The following TNFRSF11A variants were observed in gnomAD, a reference collection of about 807,000 sequenced individuals.
The protein encoded by TNFRSF11A is TNF receptor superfamily member 11a.
Under a neutral mutation model 55.7 loss-of-function variants are expected in TNFRSF11A, and 32 were observed. That is an observed-to-expected ratio of 0.57 (90% CI 0.43 to 0.77). The LOEUF (loss-of-function observed/expected upper bound fraction) is 0.77. Ranked by LOEUF, TNFRSF11A falls within the 30% of genes least tolerant of loss-of-function variation. The pLI is 0.00. For synonymous variants in TNFRSF11A, 311 were observed against 331.0 expected (o/e 0.94, Z 0.65); for missense variants, 753 against 809.8 (o/e 0.93, Z 0.85).
chr18:62,379,460 G>GA (rs1462715646), intron 9 of TNFRSF11A, among the ~76,000 whole-genome samples: 7 of 152,104 alleles, frequency 4.6e-5, no homozygotes, highest in Admixed American at 2.0e-4. Context: ...TAACTGGCAA[G>GA]AAAAAATGAG....
chr18:62,330,467 G>C (rs1325907422), intron 1 of TNFRSF11A, among the ~76,000 whole-genome samples: 1 of 152,186 alleles, frequency 6.6e-6, no homozygotes, highest in Non-Finnish European at 1.5e-5. Context: ...AGGAAGGACA[G>C]GATTCCTGGA....
At chr18:62,376,306 A>C (rs958737588) in intron 9 of TNFRSF11A, among the ~76,000 whole-genome samples, 1 of 147,564 alleles carries the variant, frequency 6.8e-6, no homozygotes, top group African/African-American at 2.5e-5. Context: ...TGGCAAGCAA[A>C]ATAAATGTCA....
chr18:62,384,617 A>G lies in TNFRSF11A; in HGVS notation c.1568-134A>G, dbSNP rs1911550889. 4 of 988,672 alleles carry G rather than the reference A, an allele frequency of 4.0e-6. No individual in the cohort carries two copies. In the African/African-American group the frequency reaches 4.9e-5, roughly 12 times the overall value. 61.2% of individuals were successfully genotyped at this position (988,672 alleles called of 1,614,324 possible). A position where few individuals can be genotyped will look rare whatever the true frequency, so the allele number is the denominator to read the frequency against. On this transcript the variant is annotated intron_variant, in intron 9 of 9. Transcript: ENST00000586569. ...CGCCTCAGTGGGCCTGGAGGGTTACAGTGTGGTTCCCTGTGGCCCCGGGCT... is the reference window on the plus strand; with the variant it reads ...CGCCTCAGTGGGCCTGGAGGGTTACGGTGTGGTTCCCTGTGGCCCCGGGCT...
chr18:62,365,789 CTTTATTT>C (rs898764282), intron 7 of TNFRSF11A, among the ~76,000 whole-genome samples: 1 of 151,908 alleles, frequency 6.6e-6, no homozygotes, highest in Non-Finnish European at 1.5e-5. Context: ...GCTTCATAGC[CTTTATTT>C]TTTATTTTTT....
intron 6 of TNFRSF11A, 125 bp from the exon 7 acceptor site, chr18:62,361,554 AC>A: frequency 1.1e-6 from 1 of 889,824 alleles, no homozygotes. Context: ...AAGGGTGGGG[AC>A]TGTCACTTCT....
At chr18:62,346,841 C>G (rs1472194445) in intron 1 of TNFRSF11A, among the ~76,000 whole-genome samples, 1 of 152,216 alleles carries the variant, frequency 6.6e-6, no homozygotes, top group Non-Finnish European at 1.5e-5. Flanking sequence ...CGAGCACTTT[C>G]ATATGCAGAT....
intron 1 of TNFRSF11A, among the ~76,000 whole-genome samples, chr18:62,339,667 C>G (rs1476863527): frequency 6.6e-6 from 1 of 152,146 alleles, no homozygotes; most frequent in Non-Finnish European, 1.5e-5. Flanking sequence ...AGTGAAGATG[C>G]CTTTGACAGT....
intron 1 of TNFRSF11A, among the ~76,000 whole-genome samples, chr18:62,330,366 T>C (rs754021789): frequency 3.3e-5 from 5 of 152,164 alleles, no homozygotes; most frequent in Non-Finnish European, 7.4e-5. Flanking sequence ...AGAACAGCTC[T>C]TAGGCTGGGG....
At chr18:62,331,364 T>G (rs1251720788) in intron 1 of TNFRSF11A, among the ~76,000 whole-genome samples, 1 of 152,158 alleles carries the variant, frequency 6.6e-6, no homozygotes, top group Non-Finnish European at 1.5e-5. Context: ...AGTGAAGAAG[T>G]GTTGTTGTTT....
chr18:62,351,067 A>G (rs890885568), intron 3 of TNFRSF11A, among the ~76,000 whole-genome samples: 1 of 148,036 alleles, frequency 6.8e-6, no homozygotes, highest in Non-Finnish European at 1.5e-5. Context: ...CAGTGGCACA[A>G]TCTCAGCTCA....
chr18:62,371,956 A>AT, intron 9 of TNFRSF11A, among the ~76,000 whole-genome samples: 1 of 151,190 alleles, frequency 6.6e-6, no homozygotes, highest in Non-Finnish European at 1.5e-5. Flanking sequence ...ATATGAGAGG[A>AT]TTTTTTGTTT....
chr18:62,367,230 A>C (rs1910158086), intron 8 of TNFRSF11A, among the ~76,000 whole-genome samples: 1 of 152,194 alleles, frequency 6.6e-6, no homozygotes, highest in Non-Finnish European at 1.5e-5. Context: ...AGAGCAGCTC[A>C]AAGCCCAAGT....
chr18:62,376,548 C>A (rs1489356903), intron 9 of TNFRSF11A, among the ~76,000 whole-genome samples: 1 of 152,184 alleles, frequency 6.6e-6, no homozygotes, highest in African/African-American at 2.4e-5. Context: ...GCCCCCCACA[C>A]ATGCACAGCC....
chr18:62,369,943 A>G (rs1186875884), intron 9 of TNFRSF11A, among the ~76,000 whole-genome samples: 1 of 152,198 alleles, frequency 6.6e-6, no homozygotes, highest in Non-Finnish European at 1.5e-5. Flanking sequence ...GACACACAAA[A>G]TTGTTTAGTT....
chr18:62,372,014 C>G (rs1388497075), intron 9 of TNFRSF11A, among the ~76,000 whole-genome samples: 4 of 152,078 alleles, frequency 2.6e-5, no homozygotes, highest in Non-Finnish European at 5.9e-5. Flanking sequence ...ATGACAGTGA[C>G]TGGGGACTTT....
At position 62,387,884 on chromosome 18, in the gene TNFRSF11A, G is replaced by C. The variant is rs1466586248; in HGVS notation, c.*2850G>C. On this transcript the variant is annotated 3_prime_UTR_variant, in exon 10 of 10. Transcript: ENST00000586569. ...GCCTCCCAGTGCTTTGGGAGGCCAAGGCAGGAGGATCACTTGAGGACAGTA... is the reference window on the plus strand; with the variant it reads ...GCCTCCCAGTGCTTTGGGAGGCCAACGCAGGAGGATCACTTGAGGACAGTA... 3 of 152,242 alleles carry C rather than the reference G, an allele frequency of 2.0e-5. No homozygotes were observed. The highest frequency in any genetic ancestry group is 4.4e-5 in the Non-Finnish European group (3 of 68,092). 9.4% of individuals were successfully genotyped at this position (152,242 alleles called of 1,614,324 possible). A position where few individuals can be genotyped will look rare whatever the true frequency, so the allele number is the denominator to read the frequency against.
chr18:62,336,972 G>A lies in TNFRSF11A; in HGVS notation c.76-11196G>A, dbSNP rs1000371162. On this transcript the variant is annotated intron_variant, in intron 1 of 9. Coordinates refer to ENST00000586569, the MANE Select transcript of TNFRSF11A (RefSeq NM_003839.4). Reference sequence around the variant, plus strand: ...ATTGATGGGCGCCTGAGTCAGTGCTGTGCGCTTTCTTTCCTTTAAGAAGCA... The same window carrying A: ...ATTGATGGGCGCCTGAGTCAGTGCTATGCGCTTTCTTTCCTTTAAGAAGCA... Among the ~76,000 whole-genome samples, 3 of 152,188 alleles carry A rather than the reference G, an allele frequency of 2.0e-5. No individual in the cohort carries two copies. The East Asian group carries it at 5.8e-4, about 29-fold the overall frequency.
intron 9 of TNFRSF11A, among the ~76,000 whole-genome samples, chr18:62,380,417 A>G (rs1332646646): frequency 6.6e-6 from 1 of 150,910 alleles, no homozygotes; most frequent in Admixed American, 6.6e-5. Flanking sequence ...ACTGTCCTTT[A>G]CATCTTAACG....
rs569013383 is a variant in TNFRSF11A at position 62,355,792 on chromosome 18, T to G, written c.427+1258T>G. Among the ~76,000 whole-genome samples the G allele has an allele frequency of 3.3e-5, 5 of 152,372 alleles. No individual in the cohort carries two copies. The East Asian group carries it at 9.6e-4, about 29-fold the overall frequency. On this transcript the variant is annotated intron_variant, in intron 4 of 9. Coordinates refer to ENST00000586569, the MANE Select transcript of TNFRSF11A (RefSeq NM_003839.4). ...ATATTTGTGGCTAAATATTACTTCT[T>G]GCTAAAATGCAACAGCATTCAACAT...
Sources: allele counts gnomAD v4.1 joint callset (sites outside exome capture counted in the v4.1 genomes callset), GRCh38; gene constraint gnomAD v4.1.1; transcripts MANE v1.5; gene names NCBI Gene and HGNC (gene_info 2026-07-23, HGNC 2026-07-21).